The following ADAM32 variants were observed in gnomAD, a reference collection of about 807,000 sequenced individuals.
The protein encoded by ADAM32 is ADAM metallopeptidase domain 32.
ADAM32 carries 89 observed loss-of-function variants against 114.9 expected under a neutral mutation model. The ratio of observed to expected loss-of-function variants is 0.77; its 90% CI spans 0.65 to 0.92. ADAM32 has a LOEUF of 0.92. ADAM32 is among the 40% of genes least tolerant of loss of function. The pLI is 0.00. For synonymous variants in ADAM32, 285 were observed against 307.5 expected (o/e 0.93, Z 0.77); for missense variants, 870 against 932.8 (o/e 0.93, Z 0.88).
intron 19 of ADAM32, among the ~76,000 whole-genome samples, chr8:39,267,074 G>A (rs1158978341): frequency 1.3e-5 from 2 of 152,338 alleles, no homozygotes; most frequent in Admixed American, 1.3e-4. Context: ...TCCAATGGGG[G>A]CTGCCAGCAA....
intron 11 of ADAM32, among the ~76,000 whole-genome samples, chr8:39,187,299 T>G (rs375762479): frequency 6.6e-6 from 1 of 151,960 alleles, no homozygotes; most frequent in African/African-American, 2.4e-5. Context: ...TGAGATGGAG[T>G]CTCGCTCTTT....
intron 16 of ADAM32, among the ~76,000 whole-genome samples, chr8:39,238,846 G>A (rs1810370991): frequency 6.6e-6 from 1 of 151,696 alleles, no homozygotes. Flanking sequence ...CAAGGCTTTG[G>A]AATGAACCCA....
At position 39,151,525 on chromosome 8, in the gene ADAM32, G is replaced by A. The variant is rs200716726; in HGVS notation, c.502G>A (p.Asp168Asn). ...AAGCCTGAAAGAACAACCAATGGAT[G>A]ACAACATTTTTATAAGTGAAAAAGT... ...DRSLKEQPMD[D>N]NIFISEKSEP... The change falls in exon 6 of 25, where the codon GAC (aspartate) becomes AAC (asparagine). Residue 168 changes from aspartate (D) to asparagine (N), a missense_variant. Physicochemically the swap from Asp to Asn is conservative, Grantham distance 23. Transcript: ENST00000379907. 4.8e-5 allele frequency: 75 copies of A among 1,575,068 alleles called. No homozygotes were observed. Among genetic ancestry groups the A allele is most frequent in the Middle Eastern group, 1.7e-4 (1 of 5,906 alleles).
At position 39,169,968 on chromosome 8, in the gene ADAM32, A is replaced by T; in HGVS notation, c.886A>T (p.Ile296Phe). The T allele has an allele frequency of 6.2e-7, 1 of 1,600,028 alleles. No homozygotes were observed. Among genetic ancestry groups the T allele is most frequent in the Non-Finnish European group, 8.5e-7 (1 of 1,171,212 alleles). ...LGAVFPGTMC[I>F]TRYSAGVALY... Reference sequence around the variant, plus strand: ...AGCAGTGTTTCCTGGAACAATGTGTATTACTCGTTATTCTGCAGGAGTTGC... The same window carrying T: ...AGCAGTGTTTCCTGGAACAATGTGTTTTACTCGTTATTCTGCAGGAGTTGC... The change falls in exon 10 of 25, where the codon ATT becomes TTT. Residue 296 changes from isoleucine (I) to phenylalanine (F), a missense_variant. Coordinates refer to ENST00000379907, the MANE Select transcript of ADAM32 (RefSeq NM_145004.7).
intron 11 of ADAM32, among the ~76,000 whole-genome samples, chr8:39,210,163 A>G (rs915735964): frequency 2.0e-5 from 3 of 152,154 alleles, no homozygotes; most frequent in African/African-American, 7.2e-5. Context: ...ATCAGGGACC[A>G]TGGGGTTCAG....
At chr8:39,197,114 C>T (rs532395622) in intron 11 of ADAM32, among the ~76,000 whole-genome samples, 8 of 152,022 alleles carry the variant, frequency 5.3e-5, no homozygotes, top group East Asian at 1.9e-4. Context: ...CTAGGTTTTC[C>T]GATTTGTCAG....
Position 39,232,055 on chromosome 8 carries a change from T to A in ADAM32, c.1554T>A (p.Tyr518Ter). ...KGSRNAPFAC[Y>*]EEIQSQSDRF... ...CAAGAAATGCTCCATTTGCCTGCTA[T>A]GAAGAAATACAATCTCAATCAGACA... Residue 518 changes from tyrosine (Y) to a stop codon, truncating the protein, a stop_gained, in exon 15 of 25, where the codon TAT becomes TAA. Coordinates refer to ENST00000379907, the MANE Select transcript of ADAM32 (RefSeq NM_145004.7). LOFTEE classifies it high-confidence loss of function. 1.2e-6 allele frequency: 2 copies of A among 1,612,288 alleles called. No homozygotes were observed. The highest frequency in any genetic ancestry group is 1.7e-6 in the Non-Finnish European group (2 of 1,178,956).
At chr8:39,206,937 G>A (rs1324369113) in intron 11 of ADAM32, among the ~76,000 whole-genome samples, 1 of 151,914 alleles carries the variant, frequency 6.6e-6, no homozygotes, top group African/African-American at 2.4e-5. Context: ...GGGGTGTTTG[G>A]GATCCAGCAC....
chr8:39,229,006 G>A (rs1263778419), intron 14 of ADAM32, among the ~76,000 whole-genome samples: 1 of 152,208 alleles, frequency 6.6e-6, no homozygotes, highest in Non-Finnish European at 1.5e-5. Flanking sequence ...CTACAAGCTA[G>A]AAGGGACTGG....
rs115703324 is a variant in ADAM32, at chr8:39,195,447, A to G, written c.1052+8402A>G. ...AAGTTTTTTAGTTTAATAGAGTTCC[A>G]TTAGTCTATTTTTGTTTTTGTTGCC... On this transcript the variant is annotated intron_variant, in intron 11 of 24. Transcript: ENST00000379907. Among the ~76,000 whole-genome samples the G allele has an allele frequency of 5.4e-3, 824 of 152,210 alleles. 11 individuals are homozygous for G. The highest frequency in any genetic ancestry group is 0.019 in the African/African-American group (788 of 41,548).
rs1240476654 is a variant in ADAM32 at position 39,257,309 on chromosome 8, T to C, written c.2128T>C (p.Trp710Arg). Residue 710 changes from tryptophan (W) to arginine (R), a missense_variant, in exon 19 of 25, where the codon TGG becomes CGG. Trp to Arg is a moderately radical substitution (Grantham distance 101). Coordinates refer to ENST00000379907, the MANE Select transcript of ADAM32 (RefSeq NM_145004.7). ...TTTGGCAAGGAAACAGTTGAAAAAGTGGTTCGCCAAGGAAGAGGAATTCCC... is the reference window on the plus strand; with the variant it reads ...TTTGGCAAGGAAACAGTTGAAAAAGCGGTTCGCCAAGGAAGAGGAATTCCC... Reference protein sequence around the residue: ...IVLARKQLKKWFAKEEEFPSS... With the variant: ...IVLARKQLKKRFAKEEEFPSS... 5.0e-6 allele frequency: 8 copies of C among 1,613,160 alleles called. No homozygotes were observed. The highest frequency in any genetic ancestry group is 6.8e-6 in the Non-Finnish European group (8 of 1,179,492).
chr8:39,157,475 T>C, intron 6 of ADAM32: 1 of 364,466 alleles, frequency 2.7e-6, no homozygotes, highest in Non-Finnish European at 5.2e-6. Flanking sequence ...TCTTCACTCT[T>C]TTTTTTTCAG....
At chr8:39,283,387 A>G in intron 23 of ADAM32, among the ~76,000 whole-genome samples, 199 bp from the exon 24 acceptor site, 1 of 139,570 alleles carries the variant, frequency 7.2e-6, no homozygotes, top group East Asian at 2.4e-4. Flanking sequence ...CTCTAACCTG[A>G]GTGGCAAAGT....
chr8:39,131,113 C>T (rs929172439), intron 2 of ADAM32, among the ~76,000 whole-genome samples: 9 of 151,882 alleles, frequency 5.9e-5, no homozygotes, highest in Non-Finnish European at 1.3e-4. Context: ...CCCGCCACCA[C>T]GCCCAGCTAA....
intron 9 of ADAM32, chr8:39,165,686 C>T (rs1804788189): frequency 6.6e-6 from 1 of 152,098 alleles, no homozygotes; most frequent in South Asian, 2.1e-4. Context: ...TAATTGTATT[C>T]ATATTAAATT....
At chr8:39,208,940 AC>A (rs1808032234) in intron 11 of ADAM32, among the ~76,000 whole-genome samples, 2 of 152,110 alleles carry the variant, frequency 1.3e-5, no homozygotes, top group African/African-American at 4.8e-5. Context: ...TGAGGTTTGG[AC>A]AATTTTCCAT....
intron 2 of ADAM32, among the ~76,000 whole-genome samples, chr8:39,133,015 T>G (rs942700255): frequency 6.6e-6 from 1 of 152,216 alleles, no homozygotes; most frequent in Admixed American, 6.5e-5. Context: ...TCCTTCAAAT[T>G]TTGAATGGTT....
intron 3 of ADAM32, among the ~76,000 whole-genome samples, chr8:39,143,881 C>G (rs940156585): frequency 6.6e-6 from 1 of 152,186 alleles, no homozygotes; most frequent in African/African-American, 2.4e-5. Flanking sequence ...GTTCGTGCTT[C>G]CTGGCCACTT....
At chr8:39,165,325 G>T in intron 9 of ADAM32, 129 bp downstream of exon 9, 1 of 685,342 alleles carries the variant, frequency 1.5e-6, no homozygotes. Context: ...GCTTTATTCA[G>T]GCTTTATGCT....
Sources: gnomAD v4.1 joint callset for allele counts (sites outside exome capture counted in the v4.1 genomes callset) on GRCh38, gnomAD v4.1.1 for gene constraint, MANE v1.5 for transcripts, NCBI Gene and HGNC (gene_info 2026-07-23, HGNC 2026-07-21) for gene names.